The following CELF2 variants were observed in gnomAD, a reference collection of about 807,000 sequenced individuals.
CELF2 encodes the protein CUGBP Elav-like family member 2.
A neutral mutation model predicts 62.6 loss-of-function variants in CELF2; 8 were observed. That is an observed-to-expected ratio of 0.13 (90% confidence interval 0.07 to 0.23). The LOEUF (loss-of-function observed/expected upper bound fraction) is 0.23. CELF2 is among the 10% of genes least tolerant of loss of function. CELF2 has a pLI of 1.00. For synonymous variants in CELF2, 258 were observed against 250.0 expected, an observed-to-expected ratio of 1.03 and a Z score of -0.30; for missense variants, 333 against 671.0, an observed-to-expected ratio of 0.50 and a Z score of 5.56.
chr10:10,747,219 C>A, the CELF2 span, among the ~76,000 whole-genome samples: 1 of 152,188 alleles, frequency 6.6e-6, no homozygotes, highest in African/African-American at 2.4e-5. Flanking sequence ...ATCATCCCTA[C>A]CCACACTGGG....
intron 1 of CELF2, among the ~76,000 whole-genome samples, chr10:11,035,881 T>C (rs1324049605): frequency 6.6e-6 from 1 of 152,238 alleles, no homozygotes; most frequent in African/African-American, 2.4e-5. Context: ...GATAACAGTA[T>C]TGCCTGCATT....
At chr10:10,721,770 C>T in the CELF2 span, among the ~76,000 whole-genome samples, 1 of 152,128 alleles carries the variant, frequency 6.6e-6, no homozygotes, top group Admixed American at 6.5e-5. Context: ...CATTGGGGGT[C>T]TATAGAACAG....
At position 11,156,627 on chromosome 10, in the gene CELF2, T is replaced by A. The variant is rs2064460949; in HGVS notation, c.75-8859T>A. 6.6e-6 allele frequency among the ~76,000 whole-genome samples: 1 copy of A among 152,164 alleles called. No homozygotes were observed. The highest frequency in any genetic ancestry group is 2.4e-5 in the African/African-American group (1 of 41,430). On this transcript the variant is annotated intron_variant, in intron 1 of 12. Coordinates refer to ENST00000633077, the MANE Select transcript of CELF2 (RefSeq NM_001326342.2). The surrounding 1 kb of genome is among the most constrained non-coding windows in gnomAD (Gnocchi z 4.3). ...TTGCGGTATCCCCAGCTCCTTGAAT[T>A]TGTCAGACTCGCGTCATAAATATGA...
chr10:10,623,924 G>A, the CELF2 span, among the ~76,000 whole-genome samples: 1 of 152,184 alleles, frequency 6.6e-6, no homozygotes, highest in Non-Finnish European at 1.5e-5. Flanking sequence ...CCGGAACCCA[G>A]GTAGTCTGAC....
intron 1 of CELF2, chr10:11,164,918 A>G (rs775199470): frequency 6.8e-6 from 2 of 294,462 alleles, no homozygotes; most frequent in South Asian, 1.3e-4. Context: ...GCACTCTGCA[A>G]ATTCATCACC....
intron 1 of CELF2, among the ~76,000 whole-genome samples, chr10:11,080,396 G>A (rs1401216039): frequency 6.6e-6 from 1 of 152,150 alleles, no homozygotes; most frequent in African/African-American, 2.4e-5. Flanking sequence ...GAGCAAGTGG[G>A]CGAGTACATA....
intron 1 of CELF2, among the ~76,000 whole-genome samples, chr10:11,067,619 C>T (rs1353539994): frequency 1.3e-5 from 2 of 152,188 alleles, no homozygotes; most frequent in Non-Finnish European, 2.9e-5. Context: ...TAAATTGGAT[C>T]ATAGCTCTTT....
intron 1 of CELF2, among the ~76,000 whole-genome samples, chr10:10,837,554 G>T (rs2058383282): frequency 6.6e-6 from 1 of 152,104 alleles, no homozygotes; most frequent in Non-Finnish European, 1.5e-5. Flanking sequence ...TTTTATTCAT[G>T]TATCTTTCAT....
At chr10:10,613,245 GT>G in the CELF2 span, among the ~76,000 whole-genome samples, 1 of 152,210 alleles carries the variant, frequency 6.6e-6, no homozygotes, top group Non-Finnish European at 1.5e-5. Flanking sequence ...TGTAAGCCAT[GT>G]GGGGGATCGG....
the CELF2 span, among the ~76,000 whole-genome samples, chr10:10,515,983 G>A: frequency 6.6e-6 from 1 of 152,152 alleles, no homozygotes; most frequent in Admixed American, 6.5e-5. Context: ...ATAAGAGACG[G>A]TAGTAATAAC....
At position 10,998,478 on chromosome 10, in the gene CELF2, T is replaced by A. The variant is rs573683448; in HGVS notation, c.89+78479T>A. Among the ~76,000 whole-genome samples the A allele has an allele frequency of 2.0e-5, 3 of 152,318 alleles. No individual in the cohort carries two copies. The South Asian group carries it at 6.2e-4, about 32-fold the overall frequency. ...CTACCACTGCAATGTAAAATAAAAT[T>A]TAATGCACTTTAAAAAGTGATGGTA... On this transcript the variant is annotated intron_variant, in intron 2 of 13. Transcript: ENST00000636488.
In CELF2 at chr10:10,997,758, C is replaced by T. The variant is rs150843915; in HGVS notation, c.89+77759C>T. On this transcript the variant is annotated intron_variant, in intron 2 of 13. Transcript: ENST00000636488. This position sits in a 1 kb window ranked among gnomAD's most constrained non-coding sequence, Gnocchi z 5.3. ...AGTGGTTGACAAAGAAAAGAACCTCCCTCACGGGCCCCGTAGTCGCTCACT... is the reference window on the plus strand; with the variant it reads ...AGTGGTTGACAAAGAAAAGAACCTCTCTCACGGGCCCCGTAGTCGCTCACT... Among the ~76,000 whole-genome samples, 1 of 152,294 alleles carries T rather than the reference C, an allele frequency of 6.6e-6. No individual in the cohort carries two copies. The highest frequency in any genetic ancestry group is 1.9e-4 in the East Asian group (1 of 5,180).
intron 1 of CELF2, among the ~76,000 whole-genome samples, chr10:10,800,573 G>A (rs780861749): frequency 1.3e-5 from 2 of 152,050 alleles, no homozygotes; most frequent in African/African-American, 4.8e-5. Context: ...GACTGGTCTC[G>A]AACTCCTGAC....
chr10:10,917,379 G>T (rs2064443783), intron 1 of CELF2, among the ~76,000 whole-genome samples: 1 of 152,154 alleles, frequency 6.6e-6, no homozygotes, highest in Non-Finnish European at 1.5e-5. Context: ...CTGTTGCCCA[G>T]ACTGGAGTGG....
At chr10:11,272,891 T>C (rs1280716517) in intron 7 of CELF2, among the ~76,000 whole-genome samples, 2 of 152,208 alleles carry the variant, frequency 1.3e-5, no homozygotes, top group African/African-American at 2.4e-5. Context: ...TCTAAACATC[T>C]TCAAGGCTAG....
intron 10 of CELF2, among the ~76,000 whole-genome samples, chr10:11,320,425 A>C (rs930317248): frequency 6.6e-6 from 1 of 152,236 alleles, no homozygotes; most frequent in Non-Finnish European, 1.5e-5. Context: ...GCATGTGTGC[A>C]TGCGTGCACG....
In CELF2 at chr10:11,270,527, T is replaced by C. The variant is rs578061965; in HGVS notation, c.619-139T>C. On this transcript the variant is annotated intron_variant, in intron 6 of 12. Transcript: ENST00000633077. This position sits in a 1 kb window ranked among gnomAD's most constrained non-coding sequence, Gnocchi z 5.8. ...ATGGTACTATTCAGAGAAGAAGGAATATCAAACCGTTTTAAACCATTTCAG... is the reference window on the plus strand; with the variant it reads ...ATGGTACTATTCAGAGAAGAAGGAACATCAAACCGTTTTAAACCATTTCAG... 1.5e-4 allele frequency: 99 copies of C among 652,544 alleles called. No homozygotes were observed. In the South Asian group the frequency reaches 1.9e-3, roughly 13 times the overall value. The allele number at this position is 652,544 out of a possible 1,614,324, so 40.4% of individuals were successfully genotyped here.
chr10:10,589,194 C>T, the CELF2 span, among the ~76,000 whole-genome samples: 10 of 152,102 alleles, frequency 6.6e-5, no homozygotes, highest in Non-Finnish European at 1.0e-4. Context: ...AAAGATTTTC[C>T]GCTGGGCAAT....
the CELF2 span, among the ~76,000 whole-genome samples, chr10:10,512,399 C>T: frequency 7.2e-5 from 9 of 124,882 alleles, no homozygotes; most frequent in Non-Finnish European, 1.1e-4. Context: ...ACTTTTGGAA[C>T]GCTTTTTTTT....
Sources: gnomAD v4.1 joint callset for allele counts (sites outside exome capture counted in the v4.1 genomes callset) on GRCh38, gnomAD v4.1.1 for gene constraint, Gnocchi (gnomAD v3.1) non-coding constraint, MANE v1.5 for transcripts, NCBI Gene and HGNC (gene_info 2026-07-23, HGNC 2026-07-21) for gene names.